The following TNC variants were observed in gnomAD, a reference collection of about 807,000 sequenced individuals.
TNC encodes tenascin.
In TNC, 109 loss-of-function variants were observed where a neutral mutation model predicts 202.4. That is an observed-to-expected ratio of 0.54 (90% CI 0.46 to 0.63). TNC has a LOEUF of 0.63. TNC is among the 30% of genes least tolerant of loss of function. The pLI is 0.00. For synonymous variants in TNC, 1,007 were observed against 1,089.7 expected, an observed-to-expected ratio of 0.92 and a Z score of 1.50; for missense variants, 2,756 against 2,833.3, an observed-to-expected ratio of 0.97 and a Z score of 0.62.
intron 2 of TNC, among the ~76,000 whole-genome samples, chr9:115,089,502 C>CTA (rs1491252450): frequency 6.8e-6 from 1 of 146,856 alleles, no homozygotes. Flanking sequence ...CTCTCTCTCT[C>CTA]TATCTCTTTT....
At chr9:115,021,321 G>T in intron 27 of TNC, 54 bp from the exon 28 acceptor site, 1 of 1,354,630 alleles carries the variant, frequency 7.4e-7, no homozygotes, top group Non-Finnish European at 1.0e-6. Flanking sequence ...CTCCAGGTTG[G>T]TTACTGTTAG....
chr9:115,115,818 G>A (rs927155973), intron 1 of TNC, among the ~76,000 whole-genome samples: 2 of 152,138 alleles, frequency 1.3e-5, no homozygotes, highest in African/African-American at 4.8e-5. Context: ...AAGAGCAAAG[G>A]TGTAAGTTTT....
chr9:115,044,429 G>A (rs568290042), intron 17 of TNC, among the ~76,000 whole-genome samples: 40 of 150,210 alleles, frequency 2.7e-4, no homozygotes, highest in African/African-American at 9.2e-4. Context: ...GCACGCACGC[G>A]CATGGGCACC....
At chr9:115,075,612 C>A (rs2133115062) in intron 9 of TNC, among the ~76,000 whole-genome samples, 1 of 150,738 alleles carries the variant, frequency 6.6e-6, no homozygotes. Flanking sequence ...TGGTGAAACC[C>A]CATTTCTACT....
chr9:115,077,916 A>G lies in TNC; in HGVS notation c.2674+27T>C, dbSNP rs771145376. On this transcript the variant is annotated intron_variant, in intron 7 of 27. Transcript: ENST00000350763. The stretch of plus-strand genomic sequence containing the variant: ...AATCTTTCAATCTTTCCTTTACTAT[A>G]TCTGTTAACAGGGGGAGGCCTTTTA... 16 of 1,605,232 alleles carry G rather than the reference A, an allele frequency of 1.0e-5. 1 individual carries two copies. The South Asian group carries it at 1.8e-4, about 18-fold the overall frequency.
intron 10 of TNC, among the ~76,000 whole-genome samples, chr9:115,067,659 T>C (rs1183793342): frequency 1.3e-5 from 2 of 152,148 alleles, no homozygotes; most frequent in Admixed American, 6.5e-5. Context: ...CTTATCTCTT[T>C]GAATCGGATA....
In TNC at chr9:115,063,100, C is replaced by G. The variant is rs747899034; in HGVS notation, c.3850G>C (p.Asp1284His). The G allele has an allele frequency of 2.5e-6, 4 of 1,614,182 alleles. No individual in the cohort carries two copies. Among genetic ancestry groups the G allele is most frequent in the Non-Finnish European group, 3.4e-6 (4 of 1,180,030 alleles). The change falls in exon 13 of 28, where the codon GAC (aspartate) becomes CAC (histidine). Residue 1284 changes from aspartate to histidine, a missense_variant. This residue lies in a region of TNC where 2,559 missense variants were observed against 2,546.0 expected (regional missense o/e 1.01). Coordinates refer to ENST00000350763, the MANE Select transcript of TNC (RefSeq NM_002160.4). Reference sequence around the variant, plus strand: ...TCCTGGACCTGAATAGTAAACTGGTCATAGGTTCCATCTGGCGTGGTCCAG... The same window carrying G: ...TCCTGGACCTGAATAGTAAACTGGTGATAGGTTCCATCTGGCGTGGTCCAG... ...LNWTTPDGTY[D>H]QFTIQVQEAD...
chr9:115,053,273 C>A (rs1588072499), intron 15 of TNC, among the ~76,000 whole-genome samples: 1 of 152,128 alleles, frequency 6.6e-6, no homozygotes, highest in Non-Finnish European at 1.5e-5. Context: ...ATAAACACCA[C>A]CATTTGCTAG....
intron 8 of TNC, 114 bp from the exon 9 acceptor site, chr9:115,076,235 T>C (rs902155697): frequency 1.5e-5 from 21 of 1,425,712 alleles, no homozygotes; most frequent in Admixed American, 8.7e-5. Flanking sequence ...TTCGGAATGT[T>C]TTACAAAAGA....
Position 115,035,161 on chromosome 9 carries a change from A to G in TNC, c.5787+43T>C, listed in dbSNP as rs752292758. 4.5e-6 allele frequency: 7 copies of G among 1,545,762 alleles called. No individual in the cohort carries two copies. In the South Asian group the frequency reaches 8.6e-5, roughly 19 times the overall value. ...CTTCCATACTTTGAAGATCATGCAA[A>G]TGCTTCAACTAGCATTGAGGAGTTG... is the stretch of plus-strand genomic sequence containing the variant. On this transcript the variant is annotated intron_variant, in intron 22 of 27. Coordinates refer to ENST00000350763, the MANE Select transcript of TNC (RefSeq NM_002160.4).
At chr9:115,108,140 T>C (rs1836755477) in intron 1 of TNC, among the ~76,000 whole-genome samples, 1 of 152,154 alleles carries the variant, frequency 6.6e-6, no homozygotes, top group African/African-American at 2.4e-5. Flanking sequence ...AGGTTTTCCT[T>C]CCTGGGCATG....
intron 6 of TNC, among the ~76,000 whole-genome samples, chr9:115,081,482 C>T (rs547928349): frequency 6.6e-5 from 10 of 152,110 alleles, no homozygotes; most frequent in Non-Finnish European, 8.8e-5. Context: ...AGAGGCTCTG[C>T]GAAACAGAAA....
intron 1 of TNC, among the ~76,000 whole-genome samples, chr9:115,091,686 C>T (rs555600432): frequency 6.6e-6 from 1 of 152,320 alleles, no homozygotes; most frequent in South Asian, 2.1e-4. Context: ...GATTTCCACA[C>T]CATCTGCTGG....
intron 11 of TNC, 94 bp from the exon 12 acceptor site, chr9:115,064,162 T>A: frequency 7.8e-7 from 1 of 1,284,548 alleles, no homozygotes; most frequent in Non-Finnish European, 1.1e-6. Flanking sequence ...ATAATATTAC[T>A]GAAAAAATGT....
Position 115,057,314 on chromosome 9 carries a change from A to T in TNC, c.4418T>A (p.Ile1473Asn), listed in dbSNP as rs759153840. ...GIFETFTIEIIDSNRLLETVE... is the reference protein window; with the variant it reads ...GIFETFTIEINDSNRLLETVE... ...AGTCTCCAGCAACCTATTGGAATCA[A>T]TAATTTCAATGGTAAAGGTCTCGAA... The change falls in exon 15 of 28, where the codon ATT (isoleucine) becomes AAT (asparagine). Residue 1473 changes from isoleucine (I) to asparagine (N), a missense_variant. Ile to Asn is a moderately radical substitution (Grantham distance 149). This residue lies in a region of TNC where 2,559 missense variants were observed against 2,546.0 expected (regional missense o/e 1.01). Transcript: ENST00000350763. 1 of 1,614,086 alleles carries T rather than the reference A, an allele frequency of 6.2e-7. No individual in the cohort carries two copies. The highest frequency in any genetic ancestry group is 1.7e-5 in the Admixed American group (1 of 60,012).
In TNC at chr9:115,020,142, G is replaced by A. The variant is rs1393574328; in HGVS notation, c.*1015C>T. On this transcript the variant is annotated 3_prime_UTR_variant, in exon 28 of 28. Coordinates refer to ENST00000350763, the MANE Select transcript of TNC (RefSeq NM_002160.4). ...TGTAACCTCTAACTCCTGGGCTCCA[G>A]TGATTTTCCTACCTCAGCCTCCTGA... The A allele has an allele frequency of 2.0e-5, 3 of 151,962 alleles. No individual in the cohort carries two copies. The highest frequency in any genetic ancestry group is 4.4e-5 in the Non-Finnish European group (3 of 68,128). The allele number at this position is 151,962 out of a possible 1,614,324, so 9.4% of individuals were successfully genotyped here.
intron 16 of TNC, among the ~76,000 whole-genome samples, chr9:115,047,626 C>T (rs990037659): frequency 6.6e-5 from 10 of 152,118 alleles, no homozygotes; most frequent in African/African-American, 2.2e-4. Flanking sequence ...AATTTCCTCA[C>T]CGAGTAGGAC....
rs1217588911 is a variant in TNC, at chr9:115,082,051, C to CTA, written c.2248-125_2248-124dup. 14 of 892,404 alleles carry CTA rather than the reference C, an allele frequency of 1.6e-5. No individual in the cohort carries two copies. The African/African-American group carries it at 1.7e-4, about 11-fold the overall frequency. The allele number at this position is 892,404 out of a possible 1,614,324, so 55.3% of individuals were successfully genotyped here. On this transcript the variant is annotated intron_variant, in intron 5 of 27. Transcript: ENST00000350763. ...CTTTCATCGATTCATTAGGCACTTA[C>CTA]TATGCATCAGATCAGTATGTAAGCT... is the stretch of plus-strand genomic sequence containing the variant.
chr9:115,029,585 T>TA, intron 24 of TNC, 129 bp from the exon 25 acceptor site: 1 of 935,424 alleles, frequency 1.1e-6, no homozygotes. Flanking sequence ...TAATTTGCTA[T>TA]GTAACTTTGG....
Sources: gnomAD v4.1 joint callset for allele counts (sites outside exome capture counted in the v4.1 genomes callset) on GRCh38, gnomAD v4.1.1 for gene constraint, gnomAD v4.1.1 regional missense constraint, MANE v1.5 for transcripts, NCBI Gene and HGNC (gene_info 2026-07-23, HGNC 2026-07-21) for gene names.